Variants in CALN1 observed in about 807,000 individuals in gnomAD.
The protein encoded by CALN1 is calneuron 1, also known as calcium-binding protein 8.
CALN1 carries 17 observed loss-of-function variants against 30.6 expected under a neutral mutation model. That is an observed-to-expected ratio of 0.56 (90% CI 0.38 to 0.83). The LOEUF (loss-of-function observed/expected upper bound fraction) is 0.83, where lower values mean the gene tolerates loss of function less well. Among genes scored for constraint, CALN1 ranks in the 40% least tolerant of loss-of-function variants. CALN1 has a pLI of 0.00. For missense variants in CALN1, 291 were observed against 354.9 expected, an observed-to-expected ratio of 0.82 and a Z score of 1.45; for synonymous variants, 156 against 131.4, an observed-to-expected ratio of 1.19 and a Z score of -1.28.
chr7:71,985,868 G>C (rs868489431), intron 5 of CALN1, among the ~76,000 whole-genome samples: 53 of 152,070 alleles, frequency 3.5e-4, no homozygotes, highest in African/African-American at 1.2e-3. Context: ...GGGATTACAG[G>C]TGTGAGCCAC....
intron 6 of CALN1, among the ~76,000 whole-genome samples, chr7:71,790,810 C>T (rs6943321): frequency 1.2e-4 from 18 of 152,218 alleles, no homozygotes; most frequent in African/African-American, 3.4e-4. Flanking sequence ...GACATCCACT[C>T]GGGAGTTTCT....
intron 3 of CALN1, among the ~76,000 whole-genome samples, chr7:72,233,018 C>G (rs771509935): frequency 1.6e-4 from 25 of 151,882 alleles, no homozygotes; most frequent in Admixed American, 7.9e-4. Context: ...ACACAGTTTT[C>G]AATAATATGC....
the CALN1 span, among the ~76,000 whole-genome samples, chr7:72,503,307 A>T: frequency 6.6e-6 from 1 of 151,746 alleles, no homozygotes; most frequent in African/African-American, 2.4e-5. Context: ...ACCTTCATCC[A>T]ATGTTCCTAA....
intron 2 of CALN1, among the ~76,000 whole-genome samples, chr7:72,389,860 A>G (rs1443136824): frequency 1.3e-5 from 2 of 151,900 alleles, no homozygotes; most frequent in African/African-American, 4.8e-5. Context: ...CGGAGGTTGC[A>G]GTGAGCCAAG....
intron 5 of CALN1, among the ~76,000 whole-genome samples, chr7:71,959,507 G>C (rs1797129971): frequency 1.3e-5 from 2 of 152,162 alleles, no homozygotes; most frequent in South Asian, 2.1e-4. Context: ...CCAGAGCATA[G>C]AGCATAGGGG....
intron 5 of CALN1, among the ~76,000 whole-genome samples, chr7:71,965,150 T>A (rs1326156025): frequency 6.6e-6 from 1 of 152,022 alleles, no homozygotes; most frequent in Non-Finnish European, 1.5e-5. Context: ...GCCTCCACCT[T>A]CCAAGTAGCT....
chr7:72,181,989 T>A (rs1301105637), intron 3 of CALN1, among the ~76,000 whole-genome samples: 1 of 152,130 alleles, frequency 6.6e-6, no homozygotes, highest in Non-Finnish European at 1.5e-5. Flanking sequence ...CGAGCAGCTG[T>A]TTATAAACAC....
chr7:71,994,869 T>TTC (rs1562963254), intron 5 of CALN1, among the ~76,000 whole-genome samples: 2 of 145,050 alleles, frequency 1.4e-5, no homozygotes, highest in Non-Finnish European at 3.0e-5. Flanking sequence ...TTTTTTTTTT[T>TTC]CGAGACGGAG....
chr7:72,336,678 G>A (rs1024714047), intron 2 of CALN1: 5 of 984,838 alleles, frequency 5.1e-6, no homozygotes, highest in Non-Finnish European at 4.8e-6. Flanking sequence ...GCGCGGGTAA[G>A]CTAGGGAGCC....
At chr7:71,889,603 AG>A (rs776216620) in intron 5 of CALN1, among the ~76,000 whole-genome samples, 2 of 152,096 alleles carry the variant, frequency 1.3e-5, no homozygotes, top group Non-Finnish European at 2.9e-5. Flanking sequence ...CCTATGAATA[AG>A]GGGGGACACG....
chr7:72,127,159 G>A (rs572350037), intron 3 of CALN1, among the ~76,000 whole-genome samples: 2 of 151,976 alleles, frequency 1.3e-5, no homozygotes, highest in Admixed American at 6.5e-5. Flanking sequence ...GTATTGAGGG[G>A]ACATCTGAGC....
At chr7:71,927,011 G>A (rs1182630945) in intron 5 of CALN1, among the ~76,000 whole-genome samples, 1 of 152,198 alleles carries the variant, frequency 6.6e-6, no homozygotes, top group East Asian at 1.9e-4. Context: ...ACTCTTGACA[G>A]TGAGTTGTTC....
intron 3 of CALN1, among the ~76,000 whole-genome samples, chr7:72,119,455 A>G (rs777977048): frequency 3.3e-5 from 5 of 152,034 alleles, no homozygotes; most frequent in Non-Finnish European, 7.4e-5. Flanking sequence ...TTGGAATTCA[A>G]GATGAGATTT....
Position 71,784,056 on chromosome 7 carries a change from G to A in CALN1, c.*3719C>T, listed in dbSNP as rs1265994010. 2 of 152,120 alleles carry A rather than the reference G, an allele frequency of 1.3e-5. No individual in the cohort carries two copies. Among genetic ancestry groups the A allele is most frequent in the African/African-American group, 4.8e-5 (2 of 41,426 alleles). The allele number at this position is 152,120 out of a possible 1,614,324, so 9.4% of individuals were successfully genotyped here. On this transcript the variant is annotated 3_prime_UTR_variant, in exon 7 of 7. Coordinates refer to ENST00000395275, the MANE Select transcript of CALN1 (RefSeq NM_031468.4). ...CAGGAGTGTGCTCAACAGGCAAACC[G>A]ATACTTTTAAAGATTGGAGGCTTAA...
At chr7:72,001,594 G>A (rs1057165709) in intron 5 of CALN1, among the ~76,000 whole-genome samples, 4 of 152,166 alleles carry the variant, frequency 2.6e-5, no homozygotes, top group African/African-American at 9.7e-5. Flanking sequence ...GTCAAACCAC[G>A]CACTTGATAG....
intron 5 of CALN1, among the ~76,000 whole-genome samples, chr7:71,956,946 C>G (rs1349620094): frequency 1.3e-5 from 2 of 152,152 alleles, no homozygotes; most frequent in Non-Finnish European, 2.9e-5. Flanking sequence ...GATCCACCCA[C>G]CTTGGCCTCC....
At chr7:72,442,844 T>C (rs1196836524) in intron 1 of CALN1, among the ~76,000 whole-genome samples, 2 of 152,220 alleles carry the variant, frequency 1.3e-5, no homozygotes, top group Non-Finnish European at 2.9e-5. Flanking sequence ...TTATTTAGGA[T>C]TGCACTTTAT....
At chr7:72,359,358 C>G (rs754899554) in intron 2 of CALN1, among the ~76,000 whole-genome samples, 2 of 152,168 alleles carry the variant, frequency 1.3e-5, no homozygotes, top group African/African-American at 2.4e-5. Context: ...CCAGATCCTC[C>G]GATCTCCTAC....
chr7:72,372,886 A>G (rs1440242205), intron 2 of CALN1, among the ~76,000 whole-genome samples: 1 of 152,204 alleles, frequency 6.6e-6, no homozygotes, highest in East Asian at 1.9e-4. Flanking sequence ...GAAAATCCAA[A>G]TATGTTTGGG....
Sources: gnomAD v4.1 joint callset for allele counts (sites outside exome capture counted in the v4.1 genomes callset) on GRCh38, gnomAD v4.1.1 for gene constraint, MANE v1.5 for transcripts, NCBI Gene and HGNC (gene_info 2026-07-23, HGNC 2026-07-21) for gene names.